PLXDC2: variants seen among roughly 807,000 people sequenced by gnomAD.
PLXDC2 encodes the protein plexin domain-containing protein 2.
In PLXDC2, 40 loss-of-function variants were observed where a neutral mutation model predicts 68.9. The observed-to-expected ratio is 0.58, with a 90% confidence interval of 0.45 to 0.76. PLXDC2 has a LOEUF of 0.76. Among genes scored for constraint, PLXDC2 ranks in the 30% least tolerant of loss-of-function variants. The pLI, the probability that PLXDC2 is intolerant of heterozygous loss-of-function variation, is 0.00. For missense variants in PLXDC2, 644 were observed against 661.9 expected (o/e 0.97, Z 0.30); for synonymous variants, 243 against 234.2 (o/e 1.04, Z -0.34).
intron 13 of PLXDC2, among the ~76,000 whole-genome samples, chr10:20,272,712 C>T (rs545122927): frequency 2.6e-5 from 4 of 152,318 alleles, no homozygotes; most frequent in African/African-American, 7.2e-5. Context: ...TCACCATGTA[C>T]TAAAAATTCT....
At chr10:19,949,776 T>G (rs927743711) in intron 1 of PLXDC2, among the ~76,000 whole-genome samples, 5 of 152,186 alleles carry the variant, frequency 3.3e-5, no homozygotes, top group Non-Finnish European at 7.3e-5. Context: ...ATGATACTTC[T>G]TAAGTGAAAG....
At chr10:19,865,220 C>A (rs963023927) in intron 1 of PLXDC2, among the ~76,000 whole-genome samples, 2 of 152,206 alleles carry the variant, frequency 1.3e-5, no homozygotes, top group African/African-American at 2.4e-5. Flanking sequence ...ATCTCAGTGA[C>A]TCTTCACCTG....
Position 20,068,158 on chromosome 10 carries a change from T to C in PLXDC2, c.472-12T>C. 6.2e-7 allele frequency: 1 copy of C among 1,607,312 alleles called. No homozygotes were observed. The highest frequency in any genetic ancestry group is 8.5e-7 in the Non-Finnish European group (1 of 1,174,602). ...CATTATTGATTTTTTTCTCTGGTGT[T>C]GTTCTTTGCAGAGAGTGAATCTGTC... On this transcript the variant is annotated splice_polypyrimidine_tract_variant and intron_variant, in intron 3 of 13. Transcript: ENST00000377252.
chr10:20,149,448 AG>A (rs1361735660), intron 6 of PLXDC2, among the ~76,000 whole-genome samples: 1 of 151,818 alleles, frequency 6.6e-6, no homozygotes, highest in Admixed American at 6.6e-5. Context: ...CATGTTGATC[AG>A]GCTGGTCTTG....
intron 1 of PLXDC2, among the ~76,000 whole-genome samples, chr10:19,844,356 C>T (rs930171369): frequency 6.6e-6 from 1 of 152,122 alleles, no homozygotes; most frequent in Non-Finnish European, 1.5e-5. Flanking sequence ...AACCAAAAAG[C>T]TGAATGAAGC....
chr10:19,906,355 G>C (rs1333960476), intron 1 of PLXDC2, among the ~76,000 whole-genome samples: 1 of 152,204 alleles, frequency 6.6e-6, no homozygotes, highest in African/African-American at 2.4e-5. Flanking sequence ...GGAAGCACCA[G>C]GGTCAGTCAG....
chr10:19,877,545 A>G (rs12777080), intron 1 of PLXDC2, among the ~76,000 whole-genome samples: 2 of 151,980 alleles, frequency 1.3e-5, no homozygotes, highest in African/African-American at 4.8e-5. Flanking sequence ...TCTTACTTTT[A>G]CTTTAAAAAG....
intron 6 of PLXDC2, among the ~76,000 whole-genome samples, chr10:20,153,351 A>G (rs1232765670): frequency 6.6e-6 from 1 of 152,154 alleles, no homozygotes; most frequent in Non-Finnish European, 1.5e-5. Flanking sequence ...CTCACTCTCT[A>G]ACACTTGCTT....
At chr10:20,066,158 G>C (rs1171378175) in intron 3 of PLXDC2, among the ~76,000 whole-genome samples, 2 of 152,162 alleles carry the variant, frequency 1.3e-5, no homozygotes, top group East Asian at 3.9e-4. Context: ...AAGGAAAACT[G>C]GTCATTTCAA....
chr10:20,213,789 G>A (rs540477137), intron 10 of PLXDC2, among the ~76,000 whole-genome samples: 1 of 152,190 alleles, frequency 6.6e-6, no homozygotes, highest in East Asian at 1.9e-4. Flanking sequence ...CAAGAAAAAT[G>A]TGTGTTTTCC....
At chr10:20,273,943 G>C (rs550463203) in intron 13 of PLXDC2, among the ~76,000 whole-genome samples, 9 of 152,046 alleles carry the variant, frequency 5.9e-5, no homozygotes, top group Non-Finnish European at 1.0e-4. Flanking sequence ...GGAGGCTGAG[G>C]GGGGAAGATC....
rs1836100522 is a variant in PLXDC2, at chr10:20,282,906, A to T, written c.*3087A>T. 1 of 152,210 alleles carries T rather than the reference A, an allele frequency of 6.6e-6. No individual in the cohort carries two copies. The highest frequency in any genetic ancestry group is 1.5e-5 in the Non-Finnish European group (1 of 68,032). The allele number at this position is 152,210 out of a possible 1,614,324, so 9.4% of individuals were successfully genotyped here. On this transcript the variant is annotated 3_prime_UTR_variant, in exon 14 of 14. Transcript: ENST00000377252. ...AGCTTCTAGAGTTGTGCTGTCCAAT[A>T]TTATATCCACTAGCCAACGTGGCTT...
chr10:20,112,188 T>C (rs1003187092), intron 4 of PLXDC2, among the ~76,000 whole-genome samples: 1 of 152,190 alleles, frequency 6.6e-6, no homozygotes, highest in Non-Finnish European at 1.5e-5. Context: ...TCCAGAATTG[T>C]AAGAGAATAA....
At chr10:19,881,376 A>G (rs1035939428) in intron 1 of PLXDC2, among the ~76,000 whole-genome samples, 1 of 152,170 alleles carries the variant, frequency 6.6e-6, no homozygotes, top group Non-Finnish European at 1.5e-5. Context: ...TTGGCTTCCC[A>G]AAGTGCTGAG....
At chr10:19,972,225 G>C (rs1264493513) in intron 1 of PLXDC2, among the ~76,000 whole-genome samples, 1 of 152,172 alleles carries the variant, frequency 6.6e-6, no homozygotes, top group South Asian at 2.1e-4. Flanking sequence ...CTGGATAAAG[G>C]AAATGTGGTA....
intron 1 of PLXDC2, among the ~76,000 whole-genome samples, chr10:19,935,234 G>A (rs1050371182): frequency 5.9e-5 from 9 of 152,160 alleles, no homozygotes; most frequent in African/African-American, 2.2e-4. Context: ...CTCCTCAGAT[G>A]CTCCACCATC....
chr10:19,974,382 T>A (rs1834413531), intron 1 of PLXDC2, among the ~76,000 whole-genome samples: 1 of 152,186 alleles, frequency 6.6e-6, no homozygotes, highest in Non-Finnish European at 1.5e-5. Context: ...TGTCAGCCAG[T>A]CTATGGGCTG....
intron 4 of PLXDC2, among the ~76,000 whole-genome samples, chr10:20,078,643 G>A (rs919101167): frequency 6.6e-6 from 1 of 152,148 alleles, no homozygotes; most frequent in Non-Finnish European, 1.5e-5. Context: ...TTGAAATGAT[G>A]ACATTGTGTT....
At chr10:19,835,376 A>T (rs928343577) in intron 1 of PLXDC2, among the ~76,000 whole-genome samples, 2 of 152,222 alleles carry the variant, frequency 1.3e-5, no homozygotes, top group Non-Finnish European at 2.9e-5. Flanking sequence ...TGCAGGCTTC[A>T]GATAAGAGGA....
Sources: gnomAD v4.1 joint callset for allele counts (sites outside exome capture counted in the v4.1 genomes callset) on GRCh38, gnomAD v4.1.1 for gene constraint, MANE v1.5 for transcripts, NCBI Gene and HGNC (gene_info 2026-07-23, HGNC 2026-07-21) for gene names.